Variants in PDE10A observed in about 807,000 individuals in gnomAD.
PDE10A encodes cAMP and cAMP-inhibited cGMP 3',5'-cyclic phosphodiesterase 10A.
In PDE10A, 39 loss-of-function variants were observed where a neutral mutation model predicts 97.7. The ratio of observed to expected loss-of-function variants is 0.40; its 90% CI spans 0.31 to 0.52. The LOEUF (loss-of-function observed/expected upper bound fraction) is 0.52. Among genes scored for constraint, PDE10A ranks in the 20% least tolerant of loss-of-function variants. PDE10A has a pLI of 0.56. For missense variants in PDE10A, 731 were observed against 1,047.8 expected (o/e 0.70, Z 4.17); for synonymous variants, 371 against 376.8 (o/e 0.98, Z 0.18).
chr6:165,431,390 G>A (rs769076896), intron 8 of PDE10A, 32 bp downstream of exon 8: 2 of 1,531,338 alleles, frequency 1.3e-6, no homozygotes, highest in Non-Finnish European at 1.8e-6. Flanking sequence ...TCTCCCTTAG[G>A]AAGCCCCTGC....
chr6:165,576,473 T>G (rs1562595594), intron 1 of PDE10A: 1 of 780,730 alleles, frequency 1.3e-6, no homozygotes, highest in East Asian at 2.4e-5. Context: ...CTTCAAAGTC[T>G]TCTCTACCCC....
chr6:165,575,832 T>C (rs948983439), intron 1 of PDE10A, among the ~76,000 whole-genome samples: 10 of 152,214 alleles, frequency 6.6e-5, no homozygotes, highest in Non-Finnish European at 1.2e-4. Context: ...AATATCATTA[T>C]CTCAGTCTTC....
Position 165,632,804 on chromosome 6 carries a change from T to C in PDE10A, c.865+29143A>G, listed in dbSNP as rs539218578. On this transcript the variant is annotated intron_variant, in intron 1 of 21. Transcript: ENST00000539869. ...GTGTTCCTTTGGGCACATGAACTTC[T>C]CAGGGAACACCAGCTACAGGACATT... is the stretch of plus-strand genomic sequence containing the variant. 2.6e-5 allele frequency among the ~76,000 whole-genome samples: 4 copies of C among 152,292 alleles called. No homozygotes were observed. The East Asian group carries it at 5.8e-4, about 22-fold the overall frequency.
intron 1 of PDE10A, among the ~76,000 whole-genome samples, chr6:165,588,479 T>C (rs776555963): frequency 1.2e-4 from 18 of 151,708 alleles, no homozygotes; most frequent in Non-Finnish European, 2.4e-4. Flanking sequence ...TTAGTGGAGA[T>C]GGGGTTTCAC....
At chr6:165,403,486 C>T (rs1181541346) in intron 13 of PDE10A, among the ~76,000 whole-genome samples, 1 of 152,142 alleles carries the variant, frequency 6.6e-6, no homozygotes, top group Non-Finnish European at 1.5e-5. Flanking sequence ...TGCACACCAA[C>T]TGGTATTCTT....
At chr6:165,774,212 A>C (rs1583069275) in intron 1 of PDE10A, among the ~76,000 whole-genome samples, 1 of 152,096 alleles carries the variant, frequency 6.6e-6, no homozygotes, top group African/African-American at 2.4e-5. Context: ...TGCGACTTGA[A>C]AGTGATTATC....
intron 1 of PDE10A, among the ~76,000 whole-genome samples, chr6:165,617,840 G>T (rs542702802): frequency 4.6e-5 from 7 of 152,042 alleles, no homozygotes; most frequent in African/African-American, 1.7e-4. Context: ...TTATTCTAAC[G>T]GCTCTCAGTG....
chr6:165,510,944 T>G (rs1027556158), intron 2 of PDE10A, among the ~76,000 whole-genome samples: 3 of 152,014 alleles, frequency 2.0e-5, no homozygotes, highest in African/African-American at 7.2e-5. Flanking sequence ...GTTTATCATT[T>G]TTTTTTAACT....
At chr6:165,693,809 C>T (rs1008091815) in intron 1 of PDE10A, among the ~76,000 whole-genome samples, 1 of 152,062 alleles carries the variant, frequency 6.6e-6, no homozygotes, top group Admixed American at 6.5e-5. Flanking sequence ...TCATTTCAGG[C>T]AAAAAGGTCA....
rs1370418106 is a variant in PDE10A, at chr6:165,853,884, C to T, written c.-615+133645G>A. The stretch of plus-strand genomic sequence containing the variant: ...CCAAACTGCTTTCCTACCTGTCCTC[C>T]GAAACTGTGCAAGCACCCAACCGCC... On this transcript the variant is annotated intron_variant, in intron 1 of 19. Transcript: ENST00000366882. 4.6e-5 allele frequency among the ~76,000 whole-genome samples: 7 copies of T among 152,200 alleles called. No individual in the cohort carries two copies. The East Asian group carries it at 1.2e-3, about 25-fold the overall frequency.
At chr6:165,532,935 T>C (rs1782870613) in intron 2 of PDE10A, among the ~76,000 whole-genome samples, 1 of 152,144 alleles carries the variant, frequency 6.6e-6, no homozygotes. Context: ...AAGAAGTTTC[T>C]CAAGGTCAGT....
chr6:165,575,244 G>T (rs1785244634), intron 1 of PDE10A, among the ~76,000 whole-genome samples: 1 of 152,128 alleles, frequency 6.6e-6, no homozygotes. Context: ...ATTTCTAACT[G>T]GTTAGAGAAA....
At chr6:165,649,158 C>T (rs892829172) in intron 1 of PDE10A, among the ~76,000 whole-genome samples, 4 of 152,278 alleles carry the variant, frequency 2.6e-5, no homozygotes, top group African/African-American at 9.6e-5. Context: ...CAAGGAGAAG[C>T]TTGCAAGGGG....
intron 1 of PDE10A, among the ~76,000 whole-genome samples, chr6:165,769,968 T>G (rs1013955280): frequency 3.9e-5 from 6 of 152,224 alleles, no homozygotes; most frequent in African/African-American, 9.6e-5. Flanking sequence ...AATTTTCCTT[T>G]TCTTTTATAA....
chr6:165,439,573 A>G (rs1790281574), intron 5 of PDE10A, among the ~76,000 whole-genome samples: 1 of 152,226 alleles, frequency 6.6e-6, no homozygotes, highest in Admixed American at 6.5e-5. Flanking sequence ...AAAGAGCAGA[A>G]AATCAATCCT....
intron 1 of PDE10A, among the ~76,000 whole-genome samples, chr6:165,782,340 C>A (rs1430776445): frequency 6.6e-6 from 1 of 152,192 alleles, no homozygotes; most frequent in Non-Finnish European, 1.5e-5. Flanking sequence ...GAGTCTCCTC[C>A]CTTACTTCAG....
At chr6:165,941,806 T>C (rs1783532735) in intron 1 of PDE10A, among the ~76,000 whole-genome samples, 1 of 152,166 alleles carries the variant, frequency 6.6e-6, no homozygotes, top group African/African-American at 2.4e-5. Flanking sequence ...TTTATAAATT[T>C]CCCAGTCTCA....
At chr6:165,795,132 T>C (rs1778795212) in intron 1 of PDE10A, among the ~76,000 whole-genome samples, 1 of 152,244 alleles carries the variant, frequency 6.6e-6, no homozygotes, top group Non-Finnish European at 1.5e-5. Context: ...TTCAGGGACC[T>C]GAACTGACTT....
chr6:165,691,110 C>CG (rs1478702192), intron 1 of PDE10A, among the ~76,000 whole-genome samples: 1 of 62,394 alleles, frequency 1.6e-5, no homozygotes, highest in Admixed American at 1.4e-4. Context: ...TCTCTCTCCC[C>CG]CCCCCCATCA....
Sources: gnomAD v4.1 joint callset for allele counts (sites outside exome capture counted in the v4.1 genomes callset) on GRCh38, gnomAD v4.1.1 for gene constraint, MANE v1.5 for transcripts, NCBI Gene and HGNC (gene_info 2026-07-23, HGNC 2026-07-21) for gene names.